The following MYO1B variants were observed in gnomAD, a reference collection of about 807,000 sequenced individuals.
MYO1B encodes the protein unconventional myosin-Ib.
Under a neutral mutation model 159.7 loss-of-function variants are expected in MYO1B, and 72 were observed. The ratio of observed to expected loss-of-function variants is 0.45; its 90% CI spans 0.37 to 0.55. The LOEUF is 0.55. Among genes scored for constraint, MYO1B ranks in the 20% least tolerant of loss-of-function variants. The pLI is 0.00. For synonymous variants in MYO1B, 468 were observed against 473.8 expected (o/e 0.99, Z 0.16); for missense variants, 1,062 against 1,364.8 (o/e 0.78, Z 3.50).
Position 191,402,693 on chromosome 2 carries a change from T to C in MYO1B, c.2531T>C (p.Ile844Thr). 6.2e-7 allele frequency: 1 copy of C among 1,613,576 alleles called. No homozygotes were observed. Among genetic ancestry groups the C allele is most frequent in the Non-Finnish European group, 8.5e-7 (1 of 1,179,726 alleles). Residue 844 changes from isoleucine (I) to threonine (T), a missense_variant, in exon 24 of 31, where the codon ATT becomes ACT. By Grantham distance (89) the Ile-to-Thr change is moderately conservative. Transcript: ENST00000392318. ...AGGCGTAAGCATGCAGTTGCTGTCATTTGGGCTTACTGGCTTGGACTGAAG... is the reference window on the plus strand; with the variant it reads ...AGGCGTAAGCATGCAGTTGCTGTCACTTGGGCTTACTGGCTTGGACTGAAG... ...EARRKHAVAV[I>T]WAYWLGLKVR...
At position 191,346,301 on chromosome 2, in the gene MYO1B, A is replaced by C. The variant is rs372423847; in HGVS notation, c.498+19A>C. 1 of 1,539,130 alleles carries C rather than the reference A, an allele frequency of 6.5e-7. No homozygotes were observed. The highest frequency in any genetic ancestry group is 1.4e-5 in the African/African-American group (1 of 72,526). On this transcript the variant is annotated intron_variant, in intron 6 of 30. Coordinates refer to ENST00000392318, the MANE Select transcript of MYO1B (RefSeq NM_001130158.3). ...TAGATTTGTAAGTATTTGTATAAGC[A>C]TAAGTGTTAACACTAATATTTAGCT...
At chr2:191,320,134 C>T (rs1690607251) in intron 3 of MYO1B, among the ~76,000 whole-genome samples, 1 of 152,036 alleles carries the variant, frequency 6.6e-6, no homozygotes, top group Non-Finnish European at 1.5e-5. Context: ...CTTAGTATTC[C>T]TCTCATGCTT....
rs150422487 is a variant in MYO1B, at chr2:191,309,725, A to G, written c.251+13499A>G. Among the ~76,000 whole-genome samples, 1,287 of 152,352 alleles carry G rather than the reference A, an allele frequency of 8.4e-3. 9 individuals carry two copies. Among genetic ancestry groups the G allele is most frequent in the Admixed American group, 0.015 (236 of 15,304 alleles). On this transcript the variant is annotated intron_variant, in intron 3 of 30. Transcript: ENST00000392318. Reference sequence around the variant, plus strand: ...GCTGACTTGTTCTCTTACTGCAATCAGGAATAGCAATCCCTGAAATAGCCA... The same window carrying G: ...GCTGACTTGTTCTCTTACTGCAATCGGGAATAGCAATCCCTGAAATAGCCA...
At chr2:191,304,552 A>C (rs1309350908) in intron 3 of MYO1B, among the ~76,000 whole-genome samples, 1 of 150,116 alleles carries the variant, frequency 6.7e-6, no homozygotes, top group Non-Finnish European at 1.5e-5. Context: ...CCTGGGCAAC[A>C]AGAGCAAAAC....
Position 191,424,593 on chromosome 2 carries a change from C to T in MYO1B, c.*633C>T, listed in dbSNP as rs1434561551. 2 of 152,040 alleles carry T rather than the reference C, an allele frequency of 1.3e-5. No individual in the cohort carries two copies. The highest frequency in any genetic ancestry group is 2.9e-5 in the Non-Finnish European group (2 of 67,998). The allele number at this position is 152,040 out of a possible 1,614,324, so 9.4% of individuals were successfully genotyped here. On this transcript the variant is annotated 3_prime_UTR_variant, in exon 31 of 31. Coordinates refer to ENST00000392318, the MANE Select transcript of MYO1B (RefSeq NM_001130158.3). ...TGAATGACCAGGTTAAATCCCTCTA[C>T]ATGTGGTTTCTGTTTGAAAAAAAGA...
At position 191,396,426 on chromosome 2, in the gene MYO1B, C is replaced by T; in HGVS notation, c.2227-3C>T. On this transcript the variant is annotated splice_region_variant and splice_polypyrimidine_tract_variant and intron_variant, in intron 20 of 30. Coordinates refer to ENST00000392318, the MANE Select transcript of MYO1B (RefSeq NM_001130158.3). The stretch of plus-strand genomic sequence containing the variant: ...GCCAATATCTTCCCCTTTTATCCTA[C>T]AGCAACAAAAGAGGTACCAGCAGAC... 2 of 1,614,044 alleles carry T rather than the reference C, an allele frequency of 1.2e-6. No individual in the cohort carries two copies. The highest frequency in any genetic ancestry group is 1.7e-6 in the Non-Finnish European group (2 of 1,179,924).
At chr2:191,318,075 C>A (rs1690466463) in intron 3 of MYO1B, among the ~76,000 whole-genome samples, 1 of 151,986 alleles carries the variant, frequency 6.6e-6, no homozygotes, top group East Asian at 1.9e-4. Flanking sequence ...GTCTTAATTC[C>A]CACTCTCAAA....
intron 2 of MYO1B, among the ~76,000 whole-genome samples, chr2:191,280,999 A>G (rs1437625901): frequency 2.0e-5 from 3 of 152,346 alleles, no homozygotes; most frequent in African/African-American, 4.8e-5. Context: ...ACTCTGGAGC[A>G]TGGTCGAAGT....
chr2:191,378,201 C>T (rs1353693212), intron 13 of MYO1B, among the ~76,000 whole-genome samples: 1 of 152,158 alleles, frequency 6.6e-6, no homozygotes, highest in African/African-American at 2.4e-5. Context: ...TGGATCTCTT[C>T]ACTTTTTGGT....
At chr2:191,279,038 A>C (rs1687905137) in intron 2 of MYO1B, among the ~76,000 whole-genome samples, 1 of 152,250 alleles carries the variant, frequency 6.6e-6, no homozygotes, top group Non-Finnish European at 1.5e-5. Flanking sequence ...TTTTAACAAA[A>C]TGCCAAGTGT....
At chr2:191,392,498 C>T (rs1170421459) in intron 19 of MYO1B, among the ~76,000 whole-genome samples, 1 of 152,162 alleles carries the variant, frequency 6.6e-6, no homozygotes, top group Non-Finnish European at 1.5e-5. Flanking sequence ...TGCAGGTAAA[C>T]AGTCTGTATT....
chr2:191,352,839 C>G (rs1034577322), intron 7 of MYO1B, among the ~76,000 whole-genome samples: 2 of 152,110 alleles, frequency 1.3e-5, no homozygotes, highest in Non-Finnish European at 2.9e-5. Context: ...ATGGATAAAC[C>G]AACTGGTGTT....
At chr2:191,338,684 C>A (rs919081164) in intron 4 of MYO1B, among the ~76,000 whole-genome samples, 1 of 152,192 alleles carries the variant, frequency 6.6e-6, no homozygotes, top group African/African-American at 2.4e-5. Context: ...CTAAGTTCAT[C>A]CTGGACCAGA....
At chr2:191,386,528 AT>A (rs1695409872) in intron 16 of MYO1B, among the ~76,000 whole-genome samples, 1 of 151,904 alleles carries the variant, frequency 6.6e-6, no homozygotes, top group African/African-American at 2.4e-5. Context: ...ACACTTATTT[AT>A]TTGGTTAATA....
rs1281947932 is a variant in MYO1B at position 191,358,670 on chromosome 2, T to A, written c.563-1961T>A. Among the ~76,000 whole-genome samples the A allele has an allele frequency of 3.9e-5, 6 of 152,244 alleles. No individual in the cohort carries two copies. The South Asian group carries it at 1.2e-3, about 32-fold the overall frequency. On this transcript the variant is annotated intron_variant, in intron 7 of 30. Transcript: ENST00000392318. Reference sequence around the variant, plus strand: ...TGTGTCTTGACCTACTACAGTTTGCTTTTGTAATGTGATTGTGGAAGTGCT... The same window carrying A: ...TGTGTCTTGACCTACTACAGTTTGCATTTGTAATGTGATTGTGGAAGTGCT...
At chr2:191,251,370 G>A (rs1355164265) in intron 1 of MYO1B, among the ~76,000 whole-genome samples, 2 of 152,150 alleles carry the variant, frequency 1.3e-5, no homozygotes, top group Non-Finnish European at 2.9e-5. Context: ...GAAGAGAGTT[G>A]GGGTGAAATT....
chr2:191,392,244 C>A, intron 19 of MYO1B, 43 bp downstream of exon 19: 2 of 1,438,272 alleles, frequency 1.4e-6, no homozygotes, highest in South Asian at 2.6e-5. Context: ...AAGTTGGAAT[C>A]GTATAGGAAA....
chr2:191,413,835 G>A (rs988241739), intron 27 of MYO1B, among the ~76,000 whole-genome samples: 3 of 152,062 alleles, frequency 2.0e-5, no homozygotes, highest in Non-Finnish European at 2.9e-5. Context: ...CCCACCAAAT[G>A]CCATGATCAC....
At chr2:191,283,273 A>G (rs930510588) in intron 2 of MYO1B, among the ~76,000 whole-genome samples, 2 of 152,202 alleles carry the variant, frequency 1.3e-5, no homozygotes, top group African/African-American at 2.4e-5. Context: ...AAATATTTGT[A>G]TAATACTTAC....
Sources: gnomAD v4.1 joint callset for allele counts (sites outside exome capture counted in the v4.1 genomes callset) on GRCh38, gnomAD v4.1.1 for gene constraint, MANE v1.5 for transcripts, NCBI Gene and HGNC (gene_info 2026-07-23, HGNC 2026-07-21) for gene names.